DNM3: variants seen among roughly 807,000 people sequenced by gnomAD.
The protein encoded by DNM3 is dynamin-3.
DNM3 carries 47 observed loss-of-function variants against 101.6 expected under a neutral mutation model. The observed-to-expected ratio is 0.46, with a 90% CI of 0.37 to 0.59. The LOEUF (loss-of-function observed/expected upper bound fraction) is 0.59. Ranked by LOEUF, DNM3 falls within the 20% of genes least tolerant of loss-of-function variation. The probability of loss-of-function intolerance (pLI) is 0.00; values close to 1 mark genes in which losing one functional copy is unlikely to be tolerated. For missense variants in DNM3, 849 were observed against 1,085.7 expected (o/e 0.78, Z 3.06); for synonymous variants, 385 against 387.9 (o/e 0.99, Z 0.09).
intron 4 of DNM3, among the ~76,000 whole-genome samples, chr1:172,006,453 G>A (rs1471004522): frequency 2.0e-5 from 3 of 151,956 alleles, no homozygotes; most frequent in South Asian, 2.1e-4. Flanking sequence ...GCTTTTTCAG[G>A]CCAGGCCTTT....
At chr1:172,116,370 C>T (rs1440713124) in intron 13 of DNM3, among the ~76,000 whole-genome samples, 1 of 152,214 alleles carries the variant, frequency 6.6e-6, no homozygotes, top group East Asian at 1.9e-4. Context: ...CTGACTTCTG[C>T]ACTCATCATC....
chr1:172,028,826 T>C (rs1264396415), intron 4 of DNM3, among the ~76,000 whole-genome samples: 1 of 152,010 alleles, frequency 6.6e-6, no homozygotes, highest in African/African-American at 2.4e-5. Context: ...GGAAAAATTA[T>C]TAGACACATA....
intron 16 of DNM3, among the ~76,000 whole-genome samples, chr1:172,321,293 C>T (rs9425284): frequency 0.073 from 11,141 of 152,158 alleles, 471 homozygotes; most frequent in African/African-American, 0.1. Context: ...TGCATTTTTT[C>T]AGCAGTCTAA....
At chr1:172,206,717 TGGGC>T (rs2060335541) in intron 14 of DNM3, among the ~76,000 whole-genome samples, 1 of 152,092 alleles carries the variant, frequency 6.6e-6, no homozygotes, top group South Asian at 2.1e-4. Flanking sequence ...AGTCTTCCTA[TGGGC>T]CTTTTATCTG....
intron 14 of DNM3, chr1:172,136,844 G>A (rs1306896434): frequency 6.6e-6 from 1 of 151,942 alleles, no homozygotes; most frequent in Non-Finnish European, 1.5e-5. Flanking sequence ...TTTCCCAGAA[G>A]AGAAAAATTT....
At chr1:172,311,162 CTTA>C (rs1275722764) in intron 16 of DNM3, 3 of 151,914 alleles carry the variant, frequency 2.0e-5, no homozygotes, top group Non-Finnish European at 4.4e-5. Flanking sequence ...TATTATGATT[CTTA>C]TTATGAACAT....
In DNM3 at chr1:172,057,864, T is replaced by C. The variant is rs1197333920; in HGVS notation, c.1335+9114T>C. On this transcript the variant is annotated intron_variant, in intron 10 of 20. Transcript: ENST00000627582. ...TAAAAATATTAACTTTAAATGTAAA[T>C]GGACTAAATGCTCCAATTAAAAGAC... Among the ~76,000 whole-genome samples the C allele has an allele frequency of 4.2e-5, 6 of 141,552 alleles. No homozygotes were observed. In the East Asian group the frequency reaches 1.4e-3, roughly 33 times the overall value. The allele number at this position is 141,552 out of a possible 152,430, so 92.9% of individuals were successfully genotyped here. A position where few individuals can be genotyped will look rare whatever the true frequency, so the allele number is the denominator to read the frequency against.
chr1:172,291,502 C>T (rs2148818426), intron 15 of DNM3, among the ~76,000 whole-genome samples: 1 of 152,172 alleles, frequency 6.6e-6, no homozygotes, highest in Middle Eastern at 3.4e-3. Context: ...TGTAGGTAGT[C>T]TCATGGATTT....
chr1:172,170,715 A>G (rs1193563861), intron 14 of DNM3, among the ~76,000 whole-genome samples: 1 of 151,778 alleles, frequency 6.6e-6, no homozygotes, highest in Non-Finnish European at 1.5e-5. Context: ...GCCAGGGAGC[A>G]TTTCAGTAGG....
intron 15 of DNM3, among the ~76,000 whole-genome samples, chr1:172,305,012 A>G (rs2064716270): frequency 6.6e-6 from 1 of 152,234 alleles, no homozygotes; most frequent in Non-Finnish European, 1.5e-5. Context: ...AGCTAGCAGA[A>G]GGCAAGAAAT....
chr1:172,048,280 G>A (rs1044726338), intron 9 of DNM3, among the ~76,000 whole-genome samples: 1 of 152,152 alleles, frequency 6.6e-6, no homozygotes, highest in South Asian at 2.1e-4. Flanking sequence ...CTATTTTAGT[G>A]TATAAAAAGT....
intron 2 of DNM3, among the ~76,000 whole-genome samples, chr1:171,970,899 C>A (rs2043943306): frequency 6.6e-6 from 1 of 151,968 alleles, no homozygotes; most frequent in African/African-American, 2.4e-5. Flanking sequence ...ATCTCTTTCC[C>A]TAACAGGTTA....
At chr1:172,313,851 G>T (rs2065186276) in intron 16 of DNM3, among the ~76,000 whole-genome samples, 1 of 151,874 alleles carries the variant, frequency 6.6e-6, no homozygotes, top group Non-Finnish European at 1.5e-5. Flanking sequence ...GAATGTGCAG[G>T]TTTGTTACAT....
At chr1:172,315,810 T>G (rs1214625881) in intron 16 of DNM3, among the ~76,000 whole-genome samples, 2 of 152,150 alleles carry the variant, frequency 1.3e-5, no homozygotes. Flanking sequence ...TTAGAAAACA[T>G]TCTGCAGGAT....
At chr1:172,055,698 G>A (rs2050548410) in intron 10 of DNM3, among the ~76,000 whole-genome samples, 1 of 152,142 alleles carries the variant, frequency 6.6e-6, no homozygotes, top group South Asian at 2.1e-4. Flanking sequence ...CATTGATTCA[G>A]CAGGTGACGG....
intron 7 of DNM3, among the ~76,000 whole-genome samples, chr1:172,039,547 G>T (rs1234432084): frequency 6.6e-6 from 1 of 150,834 alleles, no homozygotes; most frequent in Admixed American, 6.6e-5. Flanking sequence ...AACTCTTCAA[G>T]TTACAGAGAA....
At chr1:172,123,920 C>T (rs2056469391) in intron 13 of DNM3, among the ~76,000 whole-genome samples, 2 of 152,232 alleles carry the variant, frequency 1.3e-5, no homozygotes, top group Admixed American at 6.5e-5. Flanking sequence ...TATCACTCCC[C>T]CAAAGCTAAT....
intron 1 of DNM3, among the ~76,000 whole-genome samples, chr1:171,908,457 C>G (rs940346161): frequency 4.6e-5 from 7 of 152,020 alleles, no homozygotes; most frequent in African/African-American, 1.7e-4. Flanking sequence ...TGGTAGAACT[C>G]TTATATTAGA....
intron 17 of DNM3, among the ~76,000 whole-genome samples, chr1:172,346,362 A>AAGACTGAGGGGCCAGGGAGGT (rs2066940555): frequency 6.6e-6 from 1 of 152,184 alleles, no homozygotes; most frequent in Non-Finnish European, 1.5e-5. Context: ...GTGTACAGTG[A>AAGACTGAGGGGCCAGGGAGGT]AGACTGAGGG....
Sources: allele counts gnomAD v4.1 joint callset (sites outside exome capture counted in the v4.1 genomes callset), GRCh38; gene constraint gnomAD v4.1.1; transcripts MANE v1.5; gene names NCBI Gene and HGNC (gene_info 2026-07-23, HGNC 2026-07-21).